The following MROH7 variants were observed in gnomAD, a reference collection of about 807,000 sequenced individuals.
MROH7 encodes the protein maestro heat like repeat family member 7, also known as maestro heat-like repeat-containing protein family member 7.
Under a neutral mutation model 129.2 loss-of-function variants are expected in MROH7, and 113 were observed. That is an observed-to-expected ratio of 0.87 (90% CI 0.75 to 1.02). The LOEUF (loss-of-function observed/expected upper bound fraction) is 1.02, where lower values mean the gene tolerates loss of function less well. Ranked by LOEUF, MROH7 falls within the 50% of genes least tolerant of loss-of-function variation. The pLI is 0.00. For synonymous variants in MROH7, 655 were observed against 667.9 expected, an observed-to-expected ratio of 0.98 and a Z score of 0.30; for missense variants, 1,601 against 1,671.3, an observed-to-expected ratio of 0.96 and a Z score of 0.73.
rs1186306039 is a variant in MROH7, at chr1:54,701,896, TC to T, written c.3286-192del. On this transcript the variant is annotated intron_variant, in intron 19 of 23. Coordinates refer to ENST00000421030, the MANE Select transcript of MROH7 (RefSeq NM_001039464.4). The stretch of plus-strand genomic sequence containing the variant: ...AGTTTTTTTTTTTTCTTTAAACTGC[TC>T]CTAGCAGAGGAGGAGAGGGAGGCAT... 8.0e-4 allele frequency among the ~76,000 whole-genome samples: 122 copies of T among 151,784 alleles called. No homozygotes were observed. In the Middle Eastern group the frequency reaches 0.01, roughly 13 times the overall value.
At chr1:54,659,176 C>G (rs760882961) in intron 3 of MROH7, 6 of 380,460 alleles carry the variant, frequency 1.6e-5, no homozygotes, top group African/African-American at 1.3e-4. Flanking sequence ...CTCACTGCAA[C>G]CTCTGCCTCC....
rs1222672829 is a variant in MROH7 at position 54,686,405 on chromosome 1, G to A, written c.2668G>A (p.Asp890Asn). 6.2e-7 allele frequency: 1 copy of A among 1,614,092 alleles called. No individual in the cohort carries two copies. Among genetic ancestry groups the A allele is most frequent in the Non-Finnish European group, 8.5e-7 (1 of 1,180,020 alleles). Reference protein sequence around the residue: ...NLPGCVAPPKDTKKGAQPSPF... With the variant: ...NLPGCVAPPKNTKKGAQPSPF... Reference sequence around the variant, plus strand: ...GCCTGGCTGCGTGGCTCCTCCCAAGGACACCAAGAAGGGTGCACAGCCCTC... The same window carrying A: ...GCCTGGCTGCGTGGCTCCTCCCAAGAACACCAAGAAGGGTGCACAGCCCTC... Residue 890 changes from aspartate to asparagine, a missense_variant, in exon 15 of 24, where the codon GAC becomes AAC. By Grantham distance (23) the Asp-to-Asn change is conservative (BLOSUM62 1). Coordinates refer to ENST00000421030, the MANE Select transcript of MROH7 (RefSeq NM_001039464.4).
chr1:54,704,942 GGCATAT>G (rs1645508448), intron 21 of MROH7, among the ~76,000 whole-genome samples: 1 of 151,676 alleles, frequency 6.6e-6, no homozygotes, highest in African/African-American at 2.4e-5. Flanking sequence ...TGGGATTACA[GGCATAT>G]GCCACCACAC....
At position 54,674,052 on chromosome 1, in the gene MROH7, G is replaced by T. The variant is rs1644944883; in HGVS notation, c.1837G>T (p.Gly613Trp). 6.2e-7 allele frequency: 1 copy of T among 1,614,178 alleles called. No individual in the cohort carries two copies. Among genetic ancestry groups the T allele is most frequent in the Non-Finnish European group, 8.5e-7 (1 of 1,180,018 alleles). ...LGFPALGLLL[G>W]RLILHIGDPD... ...GTTCCCGGCGCTGGGGCTTCTGCTG[G>T]GGAGACTCATCCTTCACATTGGGGA... Residue 613 changes from glycine (G) to tryptophan (W), a missense_variant, in exon 10 of 24, where the codon GGG becomes TGG. Gly to Trp is a radical substitution (Grantham distance 184, BLOSUM62 -2). Coordinates refer to ENST00000421030, the MANE Select transcript of MROH7 (RefSeq NM_001039464.4).
intron 10 of MROH7, among the ~76,000 whole-genome samples, chr1:54,677,747 C>T (rs1023153065): frequency 1.3e-5 from 2 of 152,178 alleles, no homozygotes; most frequent in Admixed American, 6.5e-5. Flanking sequence ...TCAGGAAGTG[C>T]GCCTGAAATG....
At chr1:54,673,843 A>G in intron 9 of MROH7, 38 bp downstream of exon 9, 1 of 1,575,934 alleles carries the variant, frequency 6.3e-7, no homozygotes, top group Non-Finnish European at 8.7e-7. Flanking sequence ...CTCTTAGGGA[A>G]AATCTTCCCA....
chr1:54,653,842 T>G lies in MROH7; in HGVS notation c.916T>G (p.Tyr306Asp), dbSNP rs1655519. 0.36 allele frequency: 586,771 copies of G among 1,613,768 alleles called. 108,909 individuals are homozygous for G. Among genetic ancestry groups the G allele is most frequent in the South Asian group, 0.52 (47,552 of 91,068 alleles). The change falls in exon 3 of 24, where the codon TAT becomes GAT. Residue 306 changes from tyrosine (Y) to aspartate (D), a missense_variant. By Grantham distance (160) the Tyr-to-Asp change is radical. Coordinates refer to ENST00000421030, the MANE Select transcript of MROH7 (RefSeq NM_001039464.4). ...SYVTLIPGSSYGISLHSSTHE... is the reference protein window; with the variant it reads ...SYVTLIPGSSDGISLHSSTHE... ...TGTGACCCTGATTCCTGGCTCCAGC[T>G]ATGGTATCAGCCTGCACTCCAGCAC... is the stretch of plus-strand genomic sequence containing the variant.
In MROH7 at chr1:54,702,131, G is replaced by A. The variant is rs775051285; in HGVS notation, c.3327G>A (p.Gly1109=). 6.2e-7 allele frequency: 1 copy of A among 1,612,018 alleles called. No individual in the cohort carries two copies. Among genetic ancestry groups the A allele is most frequent in the Non-Finnish European group, 8.5e-7 (1 of 1,178,990 alleles). The part of the protein sequence containing the change: ...VVRSSCINLY[G]KVVQKLRAPR... Reference sequence around the variant, plus strand: ...GCTCCTCCTGCATCAACCTGTATGGGAAGGTGGTCCAGAAGCTTCGGGCAC... The same window carrying A: ...GCTCCTCCTGCATCAACCTGTATGGAAAGGTGGTCCAGAAGCTTCGGGCAC... Residue 1109 remains glycine (G), a synonymous_variant, in exon 20 of 24, where the codon GGG becomes GGA. Coordinates refer to ENST00000421030, the MANE Select transcript of MROH7 (RefSeq NM_001039464.4).
At chr1:54,692,843 A>T (rs1045966862) in intron 16 of MROH7, among the ~76,000 whole-genome samples, 5 of 152,204 alleles carry the variant, frequency 3.3e-5, no homozygotes, top group African/African-American at 1.2e-4. Flanking sequence ...CCCATGCCAA[A>T]ACAGAAATGG....
chr1:54,666,094 G>A (rs538187389), intron 4 of MROH7, among the ~76,000 whole-genome samples: 17 of 152,272 alleles, frequency 1.1e-4, no homozygotes, highest in Middle Eastern at 3.4e-3. Flanking sequence ...TATAAAATGG[G>A]CACAACAAAG....
intron 10 of MROH7, among the ~76,000 whole-genome samples, chr1:54,674,597 T>C (rs1214131093): frequency 2.0e-5 from 3 of 152,188 alleles, no homozygotes; most frequent in African/African-American, 7.2e-5. Context: ...AGTGAATATC[T>C]ATTGAATGAA....
In MROH7 at chr1:54,699,183, CTTTCTCTT is replaced by C. The variant is rs1482221016; in HGVS notation, c.2965-1136_2965-1129del. 125 of 127,440 alleles carry C rather than the reference CTTTCTCTT, an allele frequency of 9.8e-4. 2 individuals carry two copies. The highest frequency in any genetic ancestry group is 3.5e-3 in the African/African-American group (115 of 32,682). 7.9% of individuals were successfully genotyped at this position (127,440 alleles called of 1,614,324 possible). On this transcript the variant is annotated intron_variant, in intron 17 of 23. Transcript: ENST00000421030. ...CTTTTCTTTCTTTCTTTCTTTCTTT[CTTTCTCTT>C]TCTTTCTTTCTTTCTCTCCCTCTCT... is the stretch of plus-strand genomic sequence containing the variant.
chr1:54,653,988 C>A lies in MROH7; in HGVS notation c.1062C>A (p.Ser354Arg), dbSNP rs778342437. The A allele has an allele frequency of 6.2e-7, 1 of 1,614,228 alleles. No homozygotes were observed. The highest frequency in any genetic ancestry group is 8.5e-7 in the Non-Finnish European group (1 of 1,180,034). Residue 354 changes from serine to arginine, a missense_variant, in exon 3 of 24, where the codon AGC becomes AGA. Coordinates refer to ENST00000421030, the MANE Select transcript of MROH7 (RefSeq NM_001039464.4). Reference protein sequence around the residue: ...LFSDTSTLTLSSQQDDAKDNS... With the variant: ...LFSDTSTLTLRSQQDDAKDNS... Reference sequence around the variant, plus strand: ...GCGACACCTCCACCTTGACGCTGAGCAGTCAGCAGGATGATGCCAAGGACA... The same window carrying A: ...GCGACACCTCCACCTTGACGCTGAGAAGTCAGCAGGATGATGCCAAGGACA...
intron 3 of MROH7, among the ~76,000 whole-genome samples, chr1:54,658,328 G>GGTCTATAT (rs1261586814): frequency 6.6e-6 from 1 of 152,040 alleles, no homozygotes; most frequent in African/African-American, 2.4e-5. Flanking sequence ...TTGTTTCATT[G>GGTCTATAT]GTCTATATGT....
chr1:54,674,228 G>A (rs1013545846), intron 10 of MROH7, 77 bp downstream of exon 10: 47 of 1,525,336 alleles, frequency 3.1e-5, no homozygotes, highest in Non-Finnish European at 3.8e-5. Flanking sequence ...GAATCAGCTG[G>A]AGCCTTGGCA....
At chr1:54,668,793 C>T (rs1335612175) in intron 4 of MROH7, 61 bp from the exon 5 acceptor site, 3 of 1,338,202 alleles carry the variant, frequency 2.2e-6, no homozygotes, top group Non-Finnish European at 2.1e-6. Context: ...TATGGGCAAC[C>T]CCTGAGGACT....
At chr1:54,677,224 C>T (rs1178985364) in intron 10 of MROH7, among the ~76,000 whole-genome samples, 1 of 152,118 alleles carries the variant, frequency 6.6e-6, no homozygotes, top group South Asian at 2.1e-4. Flanking sequence ...CAAGGTGACA[C>T]CCTGTCTCTA....
At chr1:54,696,283 T>C (rs1645320553) in intron 17 of MROH7, among the ~76,000 whole-genome samples, 1 of 152,132 alleles carries the variant, frequency 6.6e-6, no homozygotes, top group African/African-American at 2.4e-5. Flanking sequence ...TCTAAAACCC[T>C]CCCCTTTCCT....
Position 54,700,423 on chromosome 1 carries a change from A to G in MROH7, c.3067A>G (p.Ile1023Val). The change falls in exon 18 of 24, where the codon ATT becomes GTT. Residue 1023 changes from isoleucine (I) to valine (V), a missense_variant. Ile to Val is a conservative substitution (Grantham distance 29, BLOSUM62 3). Transcript: ENST00000421030. The part of the protein sequence containing the change: ...HHDPIMKVLS[I>V]RGLVILARRS... ...CGACCCCATCATGAAGGTGCTGTCC[A>G]TTCGAGGCCTGGTCATCCTGGCCCG... 1 of 1,610,562 alleles carries G rather than the reference A, an allele frequency of 6.2e-7. No individual in the cohort carries two copies. Among genetic ancestry groups the G allele is most frequent in the Non-Finnish European group, 8.5e-7 (1 of 1,177,902 alleles).
Sources: gnomAD v4.1 joint callset for allele counts (sites outside exome capture counted in the v4.1 genomes callset) on GRCh38, gnomAD v4.1.1 for gene constraint, MANE v1.5 for transcripts, NCBI Gene and HGNC (gene_info 2026-07-23, HGNC 2026-07-21) for gene names.